NSF: variants seen among roughly 807,000 people sequenced by gnomAD.
NSF encodes N-ethylmaleimide sensitive factor, vesicle fusing ATPase.
Under a neutral mutation model 50.3 loss-of-function variants are expected in NSF, and 14 were observed. The observed-to-expected ratio is 0.28, with a 90% CI of 0.18 to 0.44. The LOEUF (loss-of-function observed/expected upper bound fraction) is 0.44, where lower values mean the gene tolerates loss of function less well. NSF is among the 20% of genes least tolerant of loss of function. NSF has a pLI of 1.00. For synonymous variants in NSF, 109 were observed against 175.7 expected, an observed-to-expected ratio of 0.62 and a Z score of 3.00; for missense variants, 218 against 504.3, an observed-to-expected ratio of 0.43 and a Z score of 5.44.
chr17:46,722,304 A>G, intron 15 of NSF: 1 of 745,930 alleles, frequency 1.3e-6, no homozygotes, highest in South Asian at 1.5e-5. Context: ...TCTTACCTCC[A>G]GCCTCAGTCC....
intron 19 of NSF, among the ~76,000 whole-genome samples, chr17:46,754,134 G>A (rs1029365912): frequency 2.0e-5 from 3 of 146,776 alleles, no homozygotes; most frequent in Admixed American, 7.0e-5. Flanking sequence ...AACTACAACT[G>A]CGCTCCAGCC....
chr17:46,721,695 A>G lies in NSF; in HGVS notation c.1762-4854A>G, dbSNP rs988412762. ...ACATTGTTCTGCTGTGCTTTGTCCA[A>G]ATGAACCTTTATGAGCCGGCTGCTA... On this transcript the variant is annotated intron_variant, in intron 15 of 20. Coordinates refer to ENST00000398238, the MANE Select transcript of NSF (RefSeq NM_006178.4). 4.3e-5 allele frequency: 69 copies of G among 1,607,008 alleles called. No homozygotes were observed. The Middle Eastern group carries it at 6.6e-4, about 15-fold the overall frequency.
chr17:46,731,812 G>A (rs2146301952), intron 17 of NSF, among the ~76,000 whole-genome samples: 1 of 152,306 alleles, frequency 6.6e-6, no homozygotes, highest in South Asian at 2.1e-4. Flanking sequence ...CAGATTACCT[G>A]CAGTATACAT....
chr17:46,751,459 G>A (rs1303994503), intron 18 of NSF, 44 bp from the exon 19 acceptor site: 3 of 1,375,844 alleles, frequency 2.2e-6, no homozygotes, highest in East Asian at 2.3e-5. Context: ...ATGTTGATGT[G>A]TTCACTGTAA....
intron 17 of NSF, among the ~76,000 whole-genome samples, chr17:46,739,942 C>T (rs1462159797): frequency 1.3e-5 from 2 of 152,104 alleles, no homozygotes; most frequent in Admixed American, 6.5e-5. Flanking sequence ...TCAAGTGATC[C>T]GCCCTCCTCA....
At position 46,755,542 on chromosome 17, in the gene NSF, C is replaced by T. The variant is rs759668720; in HGVS notation, c.2213+173C>T. Reference sequence around the variant, plus strand: ...GGAAGTTGGTTGTACTGTTGGTTTGCTCTCCCTGTCCTGCTTCGCAAAACT... The same window carrying T: ...GGAAGTTGGTTGTACTGTTGGTTTGTTCTCCCTGTCCTGCTTCGCAAAACT... On this transcript the variant is annotated intron_variant, in intron 20 of 20. Coordinates refer to ENST00000398238, the MANE Select transcript of NSF (RefSeq NM_006178.4). 75 of 701,856 alleles carry T rather than the reference C, an allele frequency of 1.1e-4. 1 individual carries two copies. The African/African-American group carries it at 1.3e-3, about 12-fold the overall frequency. The allele number at this position is 701,856 out of a possible 1,614,324, so 43.5% of individuals were successfully genotyped here.
chr17:46,722,943 C>T (rs775938200), intron 15 of NSF, among the ~76,000 whole-genome samples: 8 of 152,000 alleles, frequency 5.3e-5, no homozygotes, highest in Non-Finnish European at 4.4e-5. Flanking sequence ...GCACAGAGAC[C>T]GACTGCAAAA....
chr17:46,676,000 C>T (rs1011832818), intron 9 of NSF, among the ~76,000 whole-genome samples: 7 of 135,818 alleles, frequency 5.2e-5, no homozygotes, highest in African/African-American at 2.1e-4. Flanking sequence ...CGGGCTGCAG[C>T]TTTTGGTTTC....
intron 9 of NSF, among the ~76,000 whole-genome samples, chr17:46,678,848 G>T (rs2058426495): frequency 7.5e-6 from 1 of 132,816 alleles, no homozygotes; most frequent in Non-Finnish European, 1.6e-5. Flanking sequence ...TCAATCAAAG[G>T]CCATTTTTAA....
intron 19 of NSF, among the ~76,000 whole-genome samples, chr17:46,752,294 A>G (rs1449904567): frequency 1.3e-5 from 2 of 152,064 alleles, no homozygotes; most frequent in Non-Finnish European, 2.9e-5. Context: ...CCACCCTTCC[A>G]TGTGCCCATG....
intron 15 of NSF, among the ~76,000 whole-genome samples, chr17:46,722,656 G>T (rs945487571): frequency 1.2e-4 from 19 of 152,198 alleles, no homozygotes; most frequent in African/African-American, 4.6e-4. Flanking sequence ...GGGACTAAGG[G>T]ACTGAGGAGA....
intron 17 of NSF, among the ~76,000 whole-genome samples, chr17:46,730,902 G>A (rs2058942087): frequency 6.6e-6 from 1 of 152,152 alleles, no homozygotes; most frequent in East Asian, 1.9e-4. Flanking sequence ...TCATCAAAAA[G>A]TCAGGTAATG....
intron 17 of NSF, among the ~76,000 whole-genome samples, chr17:46,738,775 C>T (rs999702868): frequency 4.6e-5 from 7 of 152,254 alleles, no homozygotes; most frequent in African/African-American, 1.7e-4. Context: ...GGCAGGCAAC[C>T]ACCAGGATTC....
At chr17:46,687,343 C>T (rs887625679) in intron 9 of NSF, among the ~76,000 whole-genome samples, 1 of 149,502 alleles carries the variant, frequency 6.7e-6, no homozygotes, top group African/African-American at 2.5e-5. Flanking sequence ...TATTTGGAGG[C>T]CTTTCCAAAT....
intron 17 of NSF, among the ~76,000 whole-genome samples, chr17:46,735,116 T>G (rs1019133106): frequency 5.9e-5 from 9 of 152,216 alleles, no homozygotes; most frequent in African/African-American, 2.2e-4. Context: ...AGATATCTGC[T>G]GAATAAAATC....
rs62074065 is a variant in NSF, at chr17:46,610,099, T to C, written c.13-14145T>C. On this transcript the variant is annotated intron_variant, in intron 1 of 20. Coordinates refer to ENST00000398238, the MANE Select transcript of NSF (RefSeq NM_006178.4). Reference sequence around the variant, plus strand: ...TTCCTTCTTTCTTTCTTTTCTCTCTTTCTCTCTCTCTCTCTCTCTCTCTCT... The same window carrying C: ...TTCCTTCTTTCTTTCTTTTCTCTCTCTCTCTCTCTCTCTCTCTCTCTCTCT... Among the ~76,000 whole-genome samples, 21 of 89,498 alleles carry C rather than the reference T, an allele frequency of 2.3e-4. 4 individuals carry two copies. Among genetic ancestry groups the C allele is most frequent in the East Asian group, 7.4e-4 (3 of 4,080 alleles). The allele number at this position is 89,498 out of a possible 152,430, so 58.7% of individuals were successfully genotyped here. A position where few individuals can be genotyped will look rare whatever the true frequency, so the allele number is the denominator to read the frequency against.
Position 46,757,260 on chromosome 17 carries a change from G to A in NSF, c.*1437G>A, listed in dbSNP as rs2059243117. 1 of 152,466 alleles carries A rather than the reference G, an allele frequency of 6.6e-6. No individual in the cohort carries two copies. The highest frequency in any genetic ancestry group is 2.4e-5 in the African/African-American group (1 of 41,426). The allele number at this position is 152,466 out of a possible 1,614,324, so 9.4% of individuals were successfully genotyped here. A position where few individuals can be genotyped will look rare whatever the true frequency, so the allele number is the denominator to read the frequency against. On this transcript the variant is annotated 3_prime_UTR_variant, in exon 21 of 21. Transcript: ENST00000398238. The stretch of plus-strand genomic sequence containing the variant: ...CTTTTAAAGAAGTGGATTGTATTGT[G>A]AGATCCTGTGATTCCTGGTGGCCAG...
chr17:46,741,029 TG>T (rs534829284), intron 17 of NSF, among the ~76,000 whole-genome samples: 411 of 152,254 alleles, frequency 2.7e-3, no homozygotes, highest in Admixed American at 6.0e-3. Context: ...ATGGGGCTTG[TG>T]GGGGCAGGGG....
chr17:46,690,620 A>AAAAG (rs2058538399), intron 9 of NSF, among the ~76,000 whole-genome samples: 1 of 110,676 alleles, frequency 9.0e-6, no homozygotes, highest in Non-Finnish European at 2.0e-5. Flanking sequence ...TCAAAAAAAA[A>AAAAG]AAAAATATAT....
Sources: gnomAD v4.1 joint callset for allele counts (sites outside exome capture counted in the v4.1 genomes callset) on GRCh38, gnomAD v4.1.1 for gene constraint, MANE v1.5 for transcripts, NCBI Gene and HGNC (gene_info 2026-07-23, HGNC 2026-07-21) for gene names.